The following OGDH variants were observed in gnomAD, a reference collection of about 807,000 sequenced individuals.
The protein encoded by OGDH is oxoglutarate dehydrogenase, also known as 2-oxoglutarate dehydrogenase complex component E1.
In OGDH, 38 loss-of-function variants were observed where a neutral mutation model predicts 116.6. That is an observed-to-expected ratio of 0.33 (90% CI 0.25 to 0.43). The LOEUF is 0.43. Among genes scored for constraint, OGDH ranks in the 20% least tolerant of loss-of-function variants. The pLI is 1.00. For synonymous variants in OGDH, 488 were observed against 533.3 expected, an observed-to-expected ratio of 0.92 and a Z score of 1.17; for missense variants, 825 against 1,357.2, an observed-to-expected ratio of 0.61 and a Z score of 6.16.
chr7:44,636,497 C>T (rs1445669878), intron 2 of OGDH, among the ~76,000 whole-genome samples: 1 of 152,234 alleles, frequency 6.6e-6, no homozygotes, highest in African/African-American at 2.4e-5. Context: ...GCCCTGGACT[C>T]AGACTCTCCC....
intron 4 of OGDH, among the ~76,000 whole-genome samples, chr7:44,652,947 G>A (rs1786518340): frequency 6.6e-6 from 1 of 152,074 alleles, no homozygotes; most frequent in Non-Finnish European, 1.5e-5. Flanking sequence ...GGTGTATATT[G>A]CAAAACACTA....
rs759167527 is a variant in OGDH, at chr7:44,707,213, ACT to A, written c.2633-7_2633-6del. ...TGAGAGAACCAGCCTAGCCATGGGA[ACT>A]CTCTTGTAGGAACCCACTTCCAGCG... On this transcript the variant is annotated splice_polypyrimidine_tract_variant and intron_variant, in intron 20 of 22. Coordinates refer to ENST00000222673, the MANE Select transcript of OGDH (RefSeq NM_002541.4). The surrounding 1 kb of genome is among the most constrained non-coding windows in gnomAD (Gnocchi z 5.2). The A allele has an allele frequency of 4.5e-5, 73 of 1,613,546 alleles. No individual in the cohort carries two copies. In the East Asian group the frequency reaches 6.0e-4, roughly 13 times the overall value.
intron 2 of OGDH, among the ~76,000 whole-genome samples, chr7:44,628,770 C>G (rs1330427452): frequency 6.6e-6 from 1 of 152,036 alleles, no homozygotes; most frequent in Non-Finnish European, 1.5e-5. Context: ...AACTTCTATT[C>G]TTAAAATGCT....
intron 9 of OGDH, among the ~76,000 whole-genome samples, chr7:44,677,530 G>A (rs926480549): frequency 1.3e-5 from 2 of 151,892 alleles, no homozygotes; most frequent in African/African-American, 4.9e-5. Flanking sequence ...GGGAGGGGCC[G>A]GCCTCCTAGT....
chr7:44,656,185 C>T, intron 4 of OGDH: 2 of 778,648 alleles, frequency 2.6e-6, no homozygotes, highest in Non-Finnish European at 4.2e-6. Flanking sequence ...TGTGTGTGTC[C>T]CTGTGATGGT....
intron 4 of OGDH, among the ~76,000 whole-genome samples, chr7:44,660,454 T>C (rs1351310629): frequency 2.0e-5 from 3 of 152,218 alleles, no homozygotes; most frequent in Non-Finnish European, 4.4e-5. Context: ...CCTTTCTTAT[T>C]ATTGCTTTCT....
At chr7:44,659,388 CAG>C (rs766830514) in intron 4 of OGDH, among the ~76,000 whole-genome samples, 12 of 152,246 alleles carry the variant, frequency 7.9e-5, no homozygotes, top group East Asian at 5.8e-4. Flanking sequence ...CTTTTGGTAT[CAG>C]GGTAATTCTG....
intron 1 of OGDH, among the ~76,000 whole-genome samples, chr7:44,607,538 G>A (rs1784401571): frequency 6.6e-6 from 1 of 152,150 alleles, no homozygotes; most frequent in Non-Finnish European, 1.5e-5. Flanking sequence ...TTTAGGATGG[G>A]TGGCATGGGA....
intron 20 of OGDH, among the ~76,000 whole-genome samples, chr7:44,705,842 C>T (rs1055694705): frequency 3.3e-5 from 5 of 152,156 alleles, no homozygotes; most frequent in Non-Finnish European, 5.9e-5. Flanking sequence ...TTAGGGTGTC[C>T]GTCACCCGAG....
chr7:44,669,893 T>A lies in OGDH; in HGVS notation c.633+3042T>A, dbSNP rs1359322820. On this transcript the variant is annotated intron_variant, in intron 5 of 22. Coordinates refer to ENST00000222673, the MANE Select transcript of OGDH (RefSeq NM_002541.4). ...GGTGATGCTTTACTTACATTTAATG[T>A]GTGTGTATGTTAGATTGGTGATATA... Among the ~76,000 whole-genome samples the A allele has an allele frequency of 2.6e-5, 4 of 152,216 alleles. 1 individual carries two copies. The highest frequency in any genetic ancestry group is 3.8e-4 in the East Asian group (2 of 5,200).
intron 10 of OGDH, among the ~76,000 whole-genome samples, chr7:44,687,965 T>C (rs772785239): frequency 1.4e-4 from 22 of 152,154 alleles, no homozygotes; most frequent in Non-Finnish European, 2.2e-4. Context: ...CTACTTTCTG[T>C]CTCTATAGAT....
intron 4 of OGDH, among the ~76,000 whole-genome samples, chr7:44,661,609 T>G (rs1013583661): frequency 2.4e-4 from 36 of 151,050 alleles, no homozygotes; most frequent in African/African-American, 5.6e-4. Context: ...GTTTTTTGGG[T>G]TTTTTTTTGA....
intron 3 of OGDH, among the ~76,000 whole-genome samples, chr7:44,646,618 G>C (rs769593317): frequency 2.0e-5 from 3 of 152,238 alleles, no homozygotes; most frequent in Non-Finnish European, 4.4e-5. Context: ...ACTTCAGCCT[G>C]ATCTTGCAGT....
intron 2 of OGDH, among the ~76,000 whole-genome samples, chr7:44,643,258 A>T (rs1361444163): frequency 1.3e-5 from 2 of 152,150 alleles, no homozygotes; most frequent in Admixed American, 6.6e-5. Context: ...CTACAGGCAC[A>T]TGCTACTACA....
intron 1 of OGDH, among the ~76,000 whole-genome samples, chr7:44,608,020 C>T (rs765351632): frequency 7.2e-5 from 11 of 151,930 alleles, no homozygotes; most frequent in East Asian, 1.9e-4. Context: ...TTTTTTTAAG[C>T]GCACTTTTCA....
intron 5 of OGDH, among the ~76,000 whole-genome samples, chr7:44,670,439 C>T (rs1787380449): frequency 6.6e-6 from 1 of 152,098 alleles, no homozygotes; most frequent in African/African-American, 2.4e-5. Flanking sequence ...GGCATGGACC[C>T]CATCCAAAGA....
intron 10 of OGDH, among the ~76,000 whole-genome samples, chr7:44,692,326 G>A (rs1788399134): frequency 6.6e-6 from 1 of 152,218 alleles, no homozygotes; most frequent in Admixed American, 6.5e-5. Context: ...TCACTGGAAA[G>A]TAGAGACTAA....
intron 10 of OGDH, among the ~76,000 whole-genome samples, chr7:44,688,773 A>ACT (rs916384135): frequency 6.8e-6 from 1 of 146,902 alleles, no homozygotes; most frequent in African/African-American, 2.5e-5. Context: ...TGTGCCACCT[A>ACT]CTCTCCTCTC....
intron 1 of OGDH, among the ~76,000 whole-genome samples, chr7:44,607,263 G>A (rs1401023242): frequency 6.6e-6 from 1 of 152,222 alleles, no homozygotes; most frequent in Non-Finnish European, 1.5e-5. Context: ...CGAACAGATT[G>A]ACCGAGATGA....
Sources: gnomAD v4.1 joint callset for allele counts (sites outside exome capture counted in the v4.1 genomes callset) on GRCh38, gnomAD v4.1.1 for gene constraint, Gnocchi (gnomAD v3.1) non-coding constraint, MANE v1.5 for transcripts, NCBI Gene and HGNC (gene_info 2026-07-23, HGNC 2026-07-21) for gene names.